Variants in UBE2E2 observed in about 807,000 individuals in gnomAD.
The protein encoded by UBE2E2 is ubiquitin-conjugating enzyme E2 E2.
Under a neutral mutation model 24.7 loss-of-function variants are expected in UBE2E2, and 6 were observed. The ratio of observed to expected loss-of-function variants is 0.24; its 90% CI spans 0.13 to 0.48. The LOEUF is 0.48. Ranked by LOEUF, UBE2E2 falls within the 20% of genes least tolerant of loss-of-function variation. The probability of loss-of-function intolerance (pLI) is 0.99; values close to 1 mark genes in which losing one functional copy is unlikely to be tolerated. For synonymous variants in UBE2E2, 104 were observed against 83.6 expected, an observed-to-expected ratio of 1.24 and a Z score of -1.33; for missense variants, 169 against 245.0, an observed-to-expected ratio of 0.69 and a Z score of 2.07.
At chr3:23,434,393 A>G in intron 3 of UBE2E2, among the ~76,000 whole-genome samples, 1 of 152,140 alleles carries the variant, frequency 6.6e-6, no homozygotes. Context: ...TAAAGTTTGC[A>G]TCCCCCAAAT....
At chr3:23,376,857 A>T (rs1317035045) in intron 3 of UBE2E2, among the ~76,000 whole-genome samples, 1 of 152,222 alleles carries the variant, frequency 6.6e-6, no homozygotes, top group South Asian at 2.1e-4. Context: ...AGCAACTCAC[A>T]TATGAGTTCT....
intron 3 of UBE2E2, among the ~76,000 whole-genome samples, chr3:23,335,014 C>T (rs1455386055): frequency 6.6e-6 from 1 of 152,130 alleles, no homozygotes; most frequent in African/African-American, 2.4e-5. Flanking sequence ...AAAGCTCTGG[C>T]AGATATCACA....
intron 3 of UBE2E2, among the ~76,000 whole-genome samples, chr3:23,360,274 A>T (rs1471446195): frequency 6.6e-6 from 1 of 152,210 alleles, no homozygotes; most frequent in African/African-American, 2.4e-5. Context: ...GCTGTAACTT[A>T]GAAAAATTCG....
intron 3 of UBE2E2, among the ~76,000 whole-genome samples, chr3:23,245,437 A>G (rs1697369998): frequency 6.6e-6 from 1 of 152,160 alleles, no homozygotes; most frequent in Admixed American, 6.5e-5. Context: ...TCAAATCCTA[A>G]CTGTAAATCT....
Position 23,448,503 on chromosome 3 carries a change from G to T in UBE2E2, c.228-51105G>T, listed in dbSNP as rs1698482699. ...TATTTTTTAATACATGACCTAATAT[G>T]AGGATTCTGATTGGAAGCTAATTGG... is the stretch of plus-strand genomic sequence containing the variant. On this transcript the variant is annotated intron_variant, in intron 3 of 5. Transcript: ENST00000396703. Among the ~76,000 whole-genome samples, 3 of 152,144 alleles carry T rather than the reference G, an allele frequency of 2.0e-5. 1 individual carries two copies. Among genetic ancestry groups the T allele is most frequent in the Admixed American group, 2.0e-4 (3 of 15,268 alleles).
Position 23,499,601 on chromosome 3 carries a change from A to G in UBE2E2, c.228-7A>G, listed in dbSNP as rs776228254. The G allele has an allele frequency of 1.2e-6, 2 of 1,606,898 alleles. No homozygotes were observed. Among genetic ancestry groups the G allele is most frequent in the South Asian group, 2.2e-5 (2 of 89,010 alleles). On this transcript the variant is annotated splice_polypyrimidine_tract_variant and splice_region_variant and intron_variant, in intron 3 of 5. Coordinates refer to ENST00000396703, the MANE Select transcript of UBE2E2 (RefSeq NM_152653.4). Reference sequence around the variant, plus strand: ...TAAGCACATTTCATTTGTATGTCTTATTTCAGTGCTGGACCCAAAGGAGAC... The same window carrying G: ...TAAGCACATTTCATTTGTATGTCTTGTTTCAGTGCTGGACCCAAAGGAGAC...
At chr3:23,281,706 A>T (rs1304019849) in intron 3 of UBE2E2, among the ~76,000 whole-genome samples, 1 of 152,226 alleles carries the variant, frequency 6.6e-6, no homozygotes, top group Non-Finnish European at 1.5e-5. Flanking sequence ...TTTTATGTTA[A>T]TGTTAAGAAT....
At chr3:23,341,310 A>G (rs1695382250) in intron 3 of UBE2E2, among the ~76,000 whole-genome samples, 1 of 152,058 alleles carries the variant, frequency 6.6e-6, no homozygotes, top group Non-Finnish European at 1.5e-5. Context: ...AACTCATTTA[A>G]TCTTTACAGT....
intron 3 of UBE2E2, among the ~76,000 whole-genome samples, chr3:23,314,407 G>A (rs1348360887): frequency 3.3e-5 from 5 of 151,248 alleles, no homozygotes. Context: ...TGGGATTACA[G>A]GTGTGAGCCA....
rs898463174 is a variant in UBE2E2 at position 23,203,394 on chromosome 3, C to T, written c.-79C>T. The T allele has an allele frequency of 8.1e-6, 8 of 985,562 alleles. No individual in the cohort carries two copies. The African/African-American group carries it at 1.2e-4, about 15-fold the overall frequency. 61.1% of individuals were successfully genotyped at this position (985,562 alleles called of 1,614,324 possible). The stretch of plus-strand genomic sequence containing the variant: ...TGGGGCCTCCCCAGTCTCCCTCCCC[C>T]TCGCGCCTGGGCAGCTCTCTCCCAG... On this transcript the variant is annotated 5_prime_UTR_variant, in exon 1 of 6. Coordinates refer to ENST00000396703, the MANE Select transcript of UBE2E2 (RefSeq NM_152653.4).
intron 3 of UBE2E2, among the ~76,000 whole-genome samples, chr3:23,227,458 T>C (rs1696858215): frequency 6.6e-6 from 1 of 152,214 alleles, no homozygotes; most frequent in African/African-American, 2.4e-5. Context: ...AATGCTGGCA[T>C]AGTTTTTAAG....
At chr3:23,384,879 C>T (rs1283310129) in intron 3 of UBE2E2, among the ~76,000 whole-genome samples, 1 of 152,126 alleles carries the variant, frequency 6.6e-6, no homozygotes, top group Non-Finnish European at 1.5e-5. Flanking sequence ...ATTTCAAATT[C>T]TGTCTTAGTG....
chr3:23,335,324 G>A (rs1322242198), intron 3 of UBE2E2, among the ~76,000 whole-genome samples: 1 of 152,098 alleles, frequency 6.6e-6, no homozygotes, highest in African/African-American at 2.4e-5. Flanking sequence ...CATTGGCGTA[G>A]TTCATTTCTG....
chr3:23,472,379 T>C (rs1352746818), intron 3 of UBE2E2, among the ~76,000 whole-genome samples: 1 of 152,086 alleles, frequency 6.6e-6, no homozygotes, highest in Non-Finnish European at 1.5e-5. Flanking sequence ...TGAAATTTTG[T>C]TTCTTAGCAC....
chr3:23,266,797 G>A (rs540172792), intron 3 of UBE2E2, among the ~76,000 whole-genome samples: 1 of 152,212 alleles, frequency 6.6e-6, no homozygotes, highest in East Asian at 1.9e-4. Flanking sequence ...TGACCACATA[G>A]GTGGAAGTAA....
intron 4 of UBE2E2, among the ~76,000 whole-genome samples, chr3:23,519,128 AG>A (rs1694805934): frequency 6.6e-6 from 1 of 152,208 alleles, no homozygotes; most frequent in Non-Finnish European, 1.5e-5. Flanking sequence ...ACCATTTTTA[AG>A]TAAACCAATA....
intron 3 of UBE2E2, among the ~76,000 whole-genome samples, chr3:23,327,547 G>T (rs994085750): frequency 6.6e-6 from 1 of 152,164 alleles, no homozygotes; most frequent in Admixed American, 6.5e-5. Flanking sequence ...ACAAATACTT[G>T]TATCAACCAA....
At chr3:23,393,857 C>T (rs942183280) in intron 3 of UBE2E2, among the ~76,000 whole-genome samples, 2 of 152,064 alleles carry the variant, frequency 1.3e-5, no homozygotes, top group South Asian at 2.1e-4. Context: ...AAAGTTGTAT[C>T]GGGACACATT....
At chr3:23,240,251 A>G (rs909332559) in intron 3 of UBE2E2, among the ~76,000 whole-genome samples, 2 of 152,148 alleles carry the variant, frequency 1.3e-5, no homozygotes, top group East Asian at 3.8e-4. Flanking sequence ...TTGTTTTTCT[A>G]AATTTTATTT....
Sources: gnomAD v4.1 joint callset for allele counts (sites outside exome capture counted in the v4.1 genomes callset) on GRCh38, gnomAD v4.1.1 for gene constraint, MANE v1.5 for transcripts, NCBI Gene and HGNC (gene_info 2026-07-23, HGNC 2026-07-21) for gene names.